Variants in C10orf90 observed in about 807,000 individuals in gnomAD.
C10orf90 encodes the protein chromosome 10 open reading frame 90.
In C10orf90, 56 loss-of-function variants were observed where a neutral mutation model predicts 62.5. The ratio of observed to expected loss-of-function variants is 0.90; its 90% CI spans 0.72 to 1.12. The LOEUF (loss-of-function observed/expected upper bound fraction) is 1.12. C10orf90 is among the 50% of genes most tolerant of loss of function. The probability of loss-of-function intolerance (pLI) is 0.00; values close to 1 mark genes in which losing one functional copy is unlikely to be tolerated. For missense variants in C10orf90, 970 were observed against 880.4 expected, an observed-to-expected ratio of 1.10 and a Z score of -1.29; for synonymous variants, 386 against 340.4, an observed-to-expected ratio of 1.13 and a Z score of -1.47.
At chr10:126,659,610 A>G (rs73370878) in intron 1 of C10orf90, among the ~76,000 whole-genome samples, 1 of 152,326 alleles carries the variant, frequency 6.6e-6, no homozygotes, top group African/African-American at 2.4e-5. Context: ...TGGAGAAGAG[A>G]TATAAATTAG....
chr10:126,542,445 G>A (rs1462225482), intron 2 of C10orf90, among the ~76,000 whole-genome samples: 1 of 152,154 alleles, frequency 6.6e-6, no homozygotes, highest in Non-Finnish European at 1.5e-5. Context: ...GGAAGTTGCA[G>A]TGAGCTGAGA....
chr10:126,532,993 C>T (rs952764573), intron 2 of C10orf90, among the ~76,000 whole-genome samples: 4 of 150,584 alleles, frequency 2.7e-5, no homozygotes, highest in African/African-American at 7.3e-5. Context: ...AGTGCAGTGG[C>T]GCTATCTCGG....
intron 1 of C10orf90, among the ~76,000 whole-genome samples, chr10:126,659,984 C>A (rs1846474932): frequency 6.6e-6 from 1 of 152,264 alleles, no homozygotes; most frequent in Admixed American, 6.5e-5. Flanking sequence ...TGAGCTAGAG[C>A]AGATGATGTG....
At chr10:126,662,256 C>T (rs540244326) in intron 1 of C10orf90, among the ~76,000 whole-genome samples, 10 of 152,260 alleles carry the variant, frequency 6.6e-5, no homozygotes, top group African/African-American at 2.2e-4. Context: ...CGGGGCTCTA[C>T]GTGATTTTCC....
rs1378401957 is a variant in C10orf90 at position 126,670,401 on chromosome 10, G to A, written c.80C>T (p.Thr27Ile). 6 of 456,642 alleles carry A rather than the reference G, an allele frequency of 1.3e-5. No homozygotes were observed. Among genetic ancestry groups the A allele is most frequent in the South Asian group, 9.3e-5 (6 of 64,580 alleles). 28.3% of individuals were successfully genotyped at this position (456,642 alleles called of 1,614,324 possible). A position where few individuals can be genotyped will look rare whatever the true frequency, so the allele number is the denominator to read the frequency against. The change falls in exon 1 of 10, where the codon ACT becomes ATT. Residue 27 changes from threonine to isoleucine, a missense_variant. Thr to Ile is a moderately conservative substitution (Grantham distance 89). Coordinates refer to ENST00000488181, the MANE Select transcript of C10orf90 (RefSeq NM_001350921.2). ...TGTACTAAATGTTTTTATCTGGAAA[G>A]TCCGATGCACGGCCGTTTCTGTGTA... is the stretch of plus-strand genomic sequence containing the variant. ...ARYTETAVHR[T>I]FQIKTFSTEL...
chr10:126,441,727 C>A lies in C10orf90; in HGVS notation c.2189-11877G>T, dbSNP rs920724569. ...AGCCTAGAAGGGATTGGGGCCCTATCTTCAGCCTCCTCAAATAAAACAATT... is the reference window on the plus strand; with the variant it reads ...AGCCTAGAAGGGATTGGGGCCCTATATTCAGCCTCCTCAAATAAAACAATT... On this transcript the variant is annotated intron_variant, in intron 7 of 9. Transcript: ENST00000488181. 3.6e-4 allele frequency among the ~76,000 whole-genome samples: 55 copies of A among 152,172 alleles called. 1 individual carries two copies. The highest frequency in any genetic ancestry group is 3.3e-3 in the Admixed American group (51 of 15,276).
chr10:126,505,426 T>A (rs1333805091), intron 3 of C10orf90, among the ~76,000 whole-genome samples: 3 of 152,206 alleles, frequency 2.0e-5, no homozygotes, highest in Admixed American at 6.5e-5. Flanking sequence ...TACAGGCTCA[T>A]ATCCTCAATG....
In C10orf90 at chr10:126,504,732, C is replaced by G. The variant is rs1265399680; in HGVS notation, c.759G>C (p.Trp253Cys). ...GGCACAGAGAGTCCCCAGCAGTCCC[C>G]CACACCAGGGCGCGGGCTGGGGGGC... ...RVGPPARALV[W>C]GTAGDSLCPK... The change falls in exon 4 of 10, where the codon TGG becomes TGC. Residue 253 changes from tryptophan (W) to cysteine (C), a missense_variant. Trp to Cys is a radical substitution (Grantham distance 215, BLOSUM62 -2). Coordinates refer to ENST00000488181, the MANE Select transcript of C10orf90 (RefSeq NM_001350921.2). The surrounding 1 kb of genome is among the most constrained non-coding windows in gnomAD (Gnocchi z 4.1). The G allele has an allele frequency of 2.5e-6, 4 of 1,602,434 alleles. No individual in the cohort carries two copies. In the South Asian group the frequency reaches 3.3e-5, roughly 13 times the overall value.
At chr10:126,558,489 G>A (rs1432179111) in intron 2 of C10orf90, among the ~76,000 whole-genome samples, 1 of 152,190 alleles carries the variant, frequency 6.6e-6, no homozygotes, top group African/African-American at 2.4e-5. Context: ...CAGGCGGGCT[G>A]TGCACCCCCT....
intron 2 of C10orf90, among the ~76,000 whole-genome samples, chr10:126,550,632 C>T (rs941652390): frequency 6.6e-6 from 1 of 152,112 alleles, no homozygotes; most frequent in Non-Finnish European, 1.5e-5. Flanking sequence ...TTCTCAGCCT[C>T]CCTAGTAGCT....
intron 6 of C10orf90, among the ~76,000 whole-genome samples, chr10:126,460,972 C>T (rs1030954592): frequency 6.6e-6 from 1 of 152,006 alleles, no homozygotes; most frequent in Non-Finnish European, 1.5e-5. Context: ...CTTTCCTATC[C>T]CTCCATTCAT....
intron 2 of C10orf90, among the ~76,000 whole-genome samples, chr10:126,599,643 G>A (rs962202779): frequency 6.6e-6 from 1 of 151,954 alleles, no homozygotes; most frequent in East Asian, 2.0e-4. Flanking sequence ...AGAGTTTTAG[G>A]TGCTTCATTT....
chr10:126,459,230 A>G lies in C10orf90; in HGVS notation c.2011-13T>C, dbSNP rs1335163920. On this transcript the variant is annotated splice_polypyrimidine_tract_variant and intron_variant, in intron 6 of 9. Coordinates refer to ENST00000488181, the MANE Select transcript of C10orf90 (RefSeq NM_001350921.2). Reference sequence around the variant, plus strand: ...CTTCCAGTGCTTCCTATGCAAAGCAAAGAAAATACGTCATTTTTAAGAGCA... The same window carrying G: ...CTTCCAGTGCTTCCTATGCAAAGCAGAGAAAATACGTCATTTTTAAGAGCA... The G allele has an allele frequency of 1.2e-6, 2 of 1,613,112 alleles. No individual in the cohort carries two copies. Among genetic ancestry groups the G allele is most frequent in the South Asian group, 1.1e-5 (1 of 91,080 alleles).
At chr10:126,541,693 A>G (rs1310007386) in intron 2 of C10orf90, among the ~76,000 whole-genome samples, 1 of 152,218 alleles carries the variant, frequency 6.6e-6, no homozygotes, top group Non-Finnish European at 1.5e-5. Context: ...ACAAAACAGA[A>G]AATAACAAGT....
chr10:126,586,688 G>T (rs752437558), intron 2 of C10orf90, among the ~76,000 whole-genome samples: 5 of 152,162 alleles, frequency 3.3e-5, no homozygotes, highest in Non-Finnish European at 7.3e-5. Flanking sequence ...CTTGGAGGAC[G>T]AGGGGCTCTG....
At chr10:126,593,159 C>T (rs765250724) in intron 2 of C10orf90, among the ~76,000 whole-genome samples, 17 of 152,144 alleles carry the variant, frequency 1.1e-4, no homozygotes, top group Non-Finnish European at 2.4e-4. Context: ...GCGGAAATGC[C>T]ATTTGACCCA....
chr10:126,478,146 C>T (rs1374454969), intron 4 of C10orf90, among the ~76,000 whole-genome samples: 1 of 152,170 alleles, frequency 6.6e-6, no homozygotes, highest in Non-Finnish European at 1.5e-5. Context: ...TGGTTTGTGA[C>T]ATGGCATCAT....
In C10orf90 at chr10:126,527,319, G is replaced by T. The variant is rs566111898; in HGVS notation, c.314-13380C>A. Among the ~76,000 whole-genome samples the T allele has an allele frequency of 2.6e-5, 4 of 152,214 alleles. No homozygotes were observed. The South Asian group carries it at 8.3e-4, about 32-fold the overall frequency. On this transcript the variant is annotated intron_variant, in intron 2 of 9. Transcript: ENST00000488181. ...CATTTCCCTAATGGCTAATGATGTG[G>T]AGCATCTTTTCATGTGCTTATTGGC...
At position 126,461,463 on chromosome 10, in the gene C10orf90, G is replaced by A. The variant is rs756350448; in HGVS notation, c.1948C>T (p.Pro650Ser). 12 of 1,614,034 alleles carry A rather than the reference G, an allele frequency of 7.4e-6. No homozygotes were observed. In the South Asian group the frequency reaches 1.2e-4, roughly 16 times the overall value. Residue 650 changes from proline to serine, a missense_variant, in exon 6 of 10, where the codon CCT becomes TCT. By Grantham distance (74) the Pro-to-Ser change is moderately conservative. Coordinates refer to ENST00000488181, the MANE Select transcript of C10orf90 (RefSeq NM_001350921.2). ...TCAGAACAGTCTTCGGACAGGCCAG[G>A]GCTCCCTGCTCCATCGCGGGGTGCT... ...SPAPRDGAGS[P>S]GLSEDCSESQ... is the part of the protein sequence containing the mutation.
Sources: gnomAD v4.1 joint callset for allele counts (sites outside exome capture counted in the v4.1 genomes callset) on GRCh38, gnomAD v4.1.1 for gene constraint, Gnocchi (gnomAD v3.1) non-coding constraint, MANE v1.5 for transcripts, NCBI Gene and HGNC (gene_info 2026-07-23, HGNC 2026-07-21) for gene names.